The following MRPS27 variants were observed in gnomAD, a reference collection of about 807,000 sequenced individuals.
MRPS27 encodes mitochondrial ribosomal protein S27.
In MRPS27, 43 loss-of-function variants were observed where a neutral mutation model predicts 48.9. That is an observed-to-expected ratio of 0.88 (90% CI 0.69 to 1.13). The LOEUF (loss-of-function observed/expected upper bound fraction) is 1.13. Ranked by LOEUF, MRPS27 falls within the 50% of genes most tolerant of loss-of-function variation. MRPS27 has a pLI of 0.00. For missense variants in MRPS27, 467 were observed against 476.3 expected (o/e 0.98, Z 0.18); for synonymous variants, 188 against 171.9 (o/e 1.09, Z -0.73).
intron 4 of MRPS27, among the ~76,000 whole-genome samples, chr5:72,292,062 C>G (rs2112053962): frequency 6.6e-6 from 1 of 152,258 alleles, no homozygotes; most frequent in South Asian, 2.1e-4. Flanking sequence ...TTTTTATTAT[C>G]TTATTTAAGT....
intron 4 of MRPS27, among the ~76,000 whole-genome samples, chr5:72,269,683 G>A (rs1749185494): frequency 6.6e-6 from 1 of 152,156 alleles, no homozygotes; most frequent in Non-Finnish European, 1.5e-5. Context: ...GGATAGCTGG[G>A]TAGCCATTTG....
rs200135006 is a variant in MRPS27, at chr5:72,237,890, TA to T, written c.396+123del. Reference sequence around the variant, plus strand: ...CCCAGCTCCATTCTGTTAATAAGAATATTTGAGGCCAAATAATTTTTTAAAG... The same window carrying T: ...CCCAGCTCCATTCTGTTAATAAGAATTTTGAGGCCAAATAATTTTTTAAAG... On this transcript the variant is annotated intron_variant, in intron 5 of 10. Coordinates refer to ENST00000261413, the MANE Select transcript of MRPS27 (RefSeq NM_015084.3). 766 of 653,048 alleles carry T rather than the reference TA, an allele frequency of 1.2e-3. 3 individuals are homozygous for T. The African/African-American group carries it at 0.013, about 11-fold the overall frequency. The allele number at this position is 653,048 out of a possible 1,614,324, so 40.5% of individuals were successfully genotyped here.
chr5:72,258,708 C>T (rs1360989312), intron 4 of MRPS27, among the ~76,000 whole-genome samples: 2 of 152,154 alleles, frequency 1.3e-5, no homozygotes, highest in East Asian at 3.9e-4. Context: ...CTGCCCTCAC[C>T]AGATAGCAAA....
intron 4 of MRPS27, among the ~76,000 whole-genome samples, chr5:72,277,527 C>G (rs1749409185): frequency 6.6e-6 from 1 of 151,870 alleles, no homozygotes; most frequent in Non-Finnish European, 1.5e-5. Flanking sequence ...TCGCTTGAAC[C>G]AGGGAGTCGG....
chr5:72,235,636 C>T (rs181339125), intron 5 of MRPS27, among the ~76,000 whole-genome samples: 1 of 152,236 alleles, frequency 6.6e-6, no homozygotes, highest in East Asian at 1.9e-4. Context: ...GTACTTTCCA[C>T]TCAGTTTTGC....
At chr5:72,300,979 A>G (rs1750111610) in intron 2 of MRPS27, among the ~76,000 whole-genome samples, 1 of 152,238 alleles carries the variant, frequency 6.6e-6, no homozygotes. Flanking sequence ...ACCTAAAGAA[A>G]TGAATCAAAG....
intron 4 of MRPS27, among the ~76,000 whole-genome samples, chr5:72,272,897 G>A (rs926947200): frequency 6.6e-6 from 1 of 152,086 alleles, no homozygotes; most frequent in African/African-American, 2.4e-5. Flanking sequence ...TTGAAGGTAG[G>A]TATTGACACT....
rs550571716 is a variant in MRPS27, at chr5:72,278,999, T to C, written c.281+16532A>G. The stretch of plus-strand genomic sequence containing the variant: ...TACAAGCCAGAGTTCCTTTAAGGTA[T>C]ATACCCCAGAGCAGAAGGCTGAGTA... On this transcript the variant is annotated intron_variant, in intron 4 of 10. Coordinates refer to ENST00000261413, the MANE Select transcript of MRPS27 (RefSeq NM_015084.3). 2.9e-4 allele frequency among the ~76,000 whole-genome samples: 44 copies of C among 152,310 alleles called. 1 individual carries two copies. The East Asian group carries it at 5.2e-3, about 18-fold the overall frequency.
intron 4 of MRPS27, among the ~76,000 whole-genome samples, chr5:72,241,034 T>C (rs1440621353): frequency 6.6e-6 from 1 of 152,230 alleles, no homozygotes; most frequent in Non-Finnish European, 1.5e-5. Flanking sequence ...GCATTTTCTT[T>C]TTTATTGTAT....
chr5:72,226,232 G>C (rs756189772), intron 8 of MRPS27, 33 bp from the exon 9 acceptor site: 6 of 1,611,244 alleles, frequency 3.7e-6, no homozygotes, highest in Non-Finnish European at 5.1e-6. Context: ...AGAATGCTCA[G>C]CCATGTCTTC....
intron 3 of MRPS27, among the ~76,000 whole-genome samples, chr5:72,297,067 A>G (rs918580420): frequency 1.3e-5 from 2 of 152,172 alleles, no homozygotes; most frequent in Non-Finnish European, 2.9e-5. Flanking sequence ...AAGTTATTAA[A>G]CCATGTCTTA....
At chr5:72,261,281 T>C (rs1748966098) in intron 4 of MRPS27, among the ~76,000 whole-genome samples, 1 of 152,158 alleles carries the variant, frequency 6.6e-6, no homozygotes, top group African/African-American at 2.4e-5. Flanking sequence ...AGACGGAGTC[T>C]CGTTTTGTTG....
At chr5:72,312,147 A>G (rs759012674) in intron 2 of MRPS27, among the ~76,000 whole-genome samples, 1 of 152,196 alleles carries the variant, frequency 6.6e-6, no homozygotes, top group Non-Finnish European at 1.5e-5. Flanking sequence ...CAACAATGAC[A>G]ATAACAACAA....
chr5:72,263,401 C>T (rs1260474997), intron 4 of MRPS27, among the ~76,000 whole-genome samples: 1 of 150,990 alleles, frequency 6.6e-6, no homozygotes, highest in Non-Finnish European at 1.5e-5. Flanking sequence ...AAAGCATTAA[C>T]AACAAAAGAA....
chr5:72,231,517 A>G (rs570841648), intron 7 of MRPS27, among the ~76,000 whole-genome samples: 3 of 152,300 alleles, frequency 2.0e-5, no homozygotes, highest in South Asian at 4.1e-4. Context: ...CTAAATTGTA[A>G]GCAGAAAATG....
At chr5:72,270,153 A>G (rs534543899) in intron 4 of MRPS27, among the ~76,000 whole-genome samples, 6 of 150,454 alleles carry the variant, frequency 4.0e-5, no homozygotes, top group Admixed American at 6.6e-5. Flanking sequence ...AGATTGCATC[A>G]TTATGCTCCA....
intron 4 of MRPS27, among the ~76,000 whole-genome samples, chr5:72,262,732 C>G (rs1022583140): frequency 1.3e-5 from 2 of 151,854 alleles, no homozygotes; most frequent in African/African-American, 4.8e-5. Flanking sequence ...CTTCCTGGAA[C>G]AAAGTGAGGT....
chr5:72,279,617 T>A (rs1749477923), intron 4 of MRPS27, among the ~76,000 whole-genome samples: 1 of 151,546 alleles, frequency 6.6e-6, no homozygotes, highest in Admixed American at 6.6e-5. Flanking sequence ...AAGCATTAAA[T>A]AACAACAACA....
chr5:72,299,202 C>T (rs1750065650), intron 2 of MRPS27, among the ~76,000 whole-genome samples: 1 of 152,000 alleles, frequency 6.6e-6, no homozygotes, highest in African/African-American at 2.4e-5. Flanking sequence ...TACCCCAAAC[C>T]TCAGTGCCAT....
Sources: allele counts gnomAD v4.1 joint callset (sites outside exome capture counted in the v4.1 genomes callset), GRCh38; gene constraint gnomAD v4.1.1; transcripts MANE v1.5; gene names NCBI Gene and HGNC (gene_info 2026-07-23, HGNC 2026-07-21).